Variants in VTI1A observed in about 807,000 individuals in gnomAD.
The protein encoded by VTI1A is vesicle transport through interaction with t-SNAREs homolog 1A.
VTI1A carries 22 observed loss-of-function variants against 34.9 expected under a neutral mutation model. The ratio of observed to expected loss-of-function variants is 0.63; its 90% CI spans 0.45 to 0.90. VTI1A has a LOEUF of 0.90. Among genes scored for constraint, VTI1A ranks in the 40% least tolerant of loss-of-function variants. The probability of loss-of-function intolerance (pLI) is 0.00; values close to 1 mark genes in which losing one functional copy is unlikely to be tolerated. For missense variants in VTI1A, 268 were observed against 275.6 expected (o/e 0.97, Z 0.20); for synonymous variants, 87 against 97.3 (o/e 0.89, Z 0.62).
At chr10:112,590,747 G>A (rs980503481) in intron 5 of VTI1A, among the ~76,000 whole-genome samples, 2 of 151,914 alleles carry the variant, frequency 1.3e-5, no homozygotes, top group Non-Finnish European at 2.9e-5. Context: ...GATTGGAAAC[G>A]AGAACAGAAG....
At chr10:112,842,051 C>CTTTTTTTTTT in the VTI1A span, among the ~76,000 whole-genome samples, 49 of 66,648 alleles carry the variant, frequency 7.4e-4, no homozygotes, top group Non-Finnish European at 1.0e-3. Context: ...TTTTTTTTTC[C>CTTTTTTTTTT]TTTTTTTTTT....
At chr10:112,542,780 T>C (rs1850915699) in intron 5 of VTI1A, among the ~76,000 whole-genome samples, 1 of 152,312 alleles carries the variant, frequency 6.6e-6, no homozygotes, top group South Asian at 2.1e-4. Context: ...TAAGTAATTA[T>C]GTCCACACTT....
downstream of VTI1A, among the ~76,000 whole-genome samples, chr10:112,819,534 G>T (rs1448688902): frequency 6.6e-6 from 1 of 152,132 alleles, no homozygotes; most frequent in Non-Finnish European, 1.5e-5. Context: ...TTTGGGGAGG[G>T]TCTGATTGGG....
intron 5 of VTI1A, among the ~76,000 whole-genome samples, chr10:112,645,323 A>G (rs977063607): frequency 5.3e-5 from 8 of 152,276 alleles, no homozygotes; most frequent in Admixed American, 5.2e-4. Context: ...CCAGTTACTC[A>G]TTATGGGGTG....
At position 112,779,050 on chromosome 10, in the gene VTI1A, G is replaced by A. The variant is rs148780785; in HGVS notation, c.561-36240G>A. 8.9e-3 allele frequency among the ~76,000 whole-genome samples: 1,352 copies of A among 152,330 alleles called. 17 individuals carry two copies. Among genetic ancestry groups the A allele is most frequent in the African/African-American group, 0.03 (1,238 of 41,560 alleles). ...CAAAGATGTTTCTGTTTAGGTGGCT[G>A]TGGAAATCTCACGTTTGCTTTATCG... On this transcript the variant is annotated intron_variant, in intron 7 of 7. Transcript: ENST00000393077.
At chr10:112,476,113 G>C (rs1307086456) in intron 3 of VTI1A, among the ~76,000 whole-genome samples, 6 of 152,118 alleles carry the variant, frequency 3.9e-5, no homozygotes, top group African/African-American at 1.4e-4. Context: ...AAAAATTAAT[G>C]GAAAAATGTT....
At chr10:112,526,725 A>G (rs971381426) in intron 3 of VTI1A, among the ~76,000 whole-genome samples, 1 of 151,642 alleles carries the variant, frequency 6.6e-6, no homozygotes, top group South Asian at 2.1e-4. Flanking sequence ...AAAAACATAT[A>G]CTCCTGTCTT....
the VTI1A span, among the ~76,000 whole-genome samples, chr10:112,850,327 T>C: frequency 6.7e-6 from 1 of 149,196 alleles, no homozygotes; most frequent in Admixed American, 6.8e-5. Flanking sequence ...CTAGTGGTTT[T>C]CGAACTATGT....
chr10:112,527,815 A>G (rs1850289209), intron 4 of VTI1A, among the ~76,000 whole-genome samples: 1 of 152,028 alleles, frequency 6.6e-6, no homozygotes. Context: ...AGAGCTTTAC[A>G]ACTTGGCTGT....
intron 7 of VTI1A, among the ~76,000 whole-genome samples, chr10:112,811,690 A>AG (rs1853314863): frequency 3.2e-5 from 2 of 62,374 alleles, no homozygotes; most frequent in African/African-American, 9.6e-5. Flanking sequence ...TCTCAAAAAA[A>AG]AAAAAAAAAA....
At chr10:112,847,331 C>G in the VTI1A span, among the ~76,000 whole-genome samples, 2 of 152,098 alleles carry the variant, frequency 1.3e-5, no homozygotes, top group Non-Finnish European at 2.9e-5. Flanking sequence ...TTACCTTTTT[C>G]CCAAGAGGCC....
chr10:112,650,936 A>G (rs1295351810), intron 5 of VTI1A, among the ~76,000 whole-genome samples: 3 of 152,184 alleles, frequency 2.0e-5, no homozygotes, highest in Admixed American at 1.3e-4. Flanking sequence ...TACTATTCTC[A>G]TCTGTTTATA....
intron 3 of VTI1A, chr10:112,485,333 C>T (rs1848586479): frequency 6.6e-6 from 1 of 151,852 alleles, no homozygotes; most frequent in African/African-American, 2.4e-5. Flanking sequence ...CTGAAATGGT[C>T]CATTGAGCAT....
At chr10:112,627,577 G>A (rs1409287198) in intron 5 of VTI1A, among the ~76,000 whole-genome samples, 1 of 151,960 alleles carries the variant, frequency 6.6e-6, no homozygotes, top group Non-Finnish European at 1.5e-5. Flanking sequence ...AGCTTTGAGG[G>A]TTTCTCCCCT....
At chr10:112,498,445 TCTC>T (rs1212102433) in intron 3 of VTI1A, among the ~76,000 whole-genome samples, 5 of 152,164 alleles carry the variant, frequency 3.3e-5, no homozygotes, top group Admixed American at 1.3e-4. Flanking sequence ...GGTAAACTAA[TCTC>T]CTCATCGCCG....
intron 5 of VTI1A, among the ~76,000 whole-genome samples, chr10:112,542,320 G>A (rs564479078): frequency 3.7e-4 from 56 of 152,106 alleles, no homozygotes; most frequent in Non-Finnish European, 6.9e-4. Flanking sequence ...ATGGGCCCCC[G>A]TGCACCTGGC....
At chr10:112,717,872 C>T (rs569356280) in intron 7 of VTI1A, among the ~76,000 whole-genome samples, 3 of 152,304 alleles carry the variant, frequency 2.0e-5, no homozygotes, top group African/African-American at 7.2e-5. Context: ...TTGGAAAATA[C>T]AATCTGTCAC....
In VTI1A at chr10:112,507,171, G is replaced by C. The variant is rs942856259; in HGVS notation, c.265-19916G>C. ...GCTTTTTAAGCTTCAGTTTAATTCA[G>C]ATGTCTTTAGGCTGGAGTTAGGATT... On this transcript the variant is annotated intron_variant, in intron 3 of 7. Coordinates refer to ENST00000393077, the MANE Select transcript of VTI1A (RefSeq NM_145206.4). Among the ~76,000 whole-genome samples, 5 of 152,230 alleles carry C rather than the reference G, an allele frequency of 3.3e-5. No homozygotes were observed. The South Asian group carries it at 1.0e-3, about 32-fold the overall frequency.
intron 7 of VTI1A, among the ~76,000 whole-genome samples, chr10:112,709,055 G>C (rs1302614251): frequency 6.6e-6 from 1 of 152,112 alleles, no homozygotes; most frequent in Non-Finnish European, 1.5e-5. Context: ...ATCCCGGGAG[G>C]GGTACGTGTC....
Sources: allele counts gnomAD v4.1 joint callset (sites outside exome capture counted in the v4.1 genomes callset), GRCh38; gene constraint gnomAD v4.1.1; transcripts MANE v1.5; gene names NCBI Gene and HGNC (gene_info 2026-07-23, HGNC 2026-07-21).